DIAPH3: variants seen among roughly 807,000 people sequenced by gnomAD.
DIAPH3 encodes the protein diaphanous related formin 3.
In DIAPH3, 117 loss-of-function variants were observed where a neutral mutation model predicts 144.3. That is an observed-to-expected ratio of 0.81 (90% CI 0.70 to 0.95). The LOEUF is 0.95. Among genes scored for constraint, DIAPH3 ranks in the 40% least tolerant of loss-of-function variants. DIAPH3 has a pLI of 0.00. For synonymous variants in DIAPH3, 519 were observed against 488.9 expected (o/e 1.06, Z -0.81); for missense variants, 1,421 against 1,412.7 (o/e 1.01, Z -0.09).
chr13:59,952,045 A>G (rs1380936461), intron 17 of DIAPH3, among the ~76,000 whole-genome samples: 5 of 152,222 alleles, frequency 3.3e-5, no homozygotes, highest in East Asian at 1.9e-4. Context: ...AAATCATGGT[A>G]TAAAACTACA....
chr13:59,819,578 G>A (rs1260975940), intron 24 of DIAPH3, among the ~76,000 whole-genome samples: 1 of 151,548 alleles, frequency 6.6e-6, no homozygotes, highest in African/African-American at 2.4e-5. Flanking sequence ...TATGTATTTC[G>A]GGGGATACTT....
intron 5 of DIAPH3, among the ~76,000 whole-genome samples, chr13:60,031,802 G>T (rs187463578): frequency 4.6e-5 from 6 of 130,614 alleles, no homozygotes; most frequent in African/African-American, 1.5e-4. Flanking sequence ...GGAGTGCAGT[G>T]GCACGATCTT....
intron 22 of DIAPH3, among the ~76,000 whole-genome samples, chr13:59,842,927 T>C (rs535347155): frequency 6.6e-6 from 1 of 152,242 alleles, no homozygotes; most frequent in East Asian, 1.9e-4. Context: ...CCAACCTCTT[T>C]CAGTCTTTAT....
chr13:60,077,253 T>A (rs1246412722), intron 4 of DIAPH3, among the ~76,000 whole-genome samples: 2 of 151,968 alleles, frequency 1.3e-5, no homozygotes, highest in Admixed American at 1.3e-4. Flanking sequence ...TCACGAGCTA[T>A]AAAATCTAAA....
Position 59,810,802 on chromosome 13 carries a change from A to G in DIAPH3, c.3149T>C (p.Leu1050Ser). 6.2e-7 allele frequency: 1 copy of G among 1,613,512 alleles called. No individual in the cohort carries two copies. The highest frequency in any genetic ancestry group is 1.7e-4 in the Middle Eastern group (1 of 6,048). ...ATAGTACTCACCAGTCTTCATTTCT[A>G]ATAAACGCTTTTTCTTTTGTTGGCG... ...LERQQKKKRL[L>S]EMKTEGDETG... Residue 1050 changes from leucine to serine, a missense_variant, in exon 25 of 28, where the codon TTA (leucine) becomes TCA (serine). Coordinates refer to ENST00000400324, the MANE Select transcript of DIAPH3 (RefSeq NM_001042517.2).
intron 5 of DIAPH3, among the ~76,000 whole-genome samples, chr13:60,021,983 T>C (rs2054056785): frequency 6.6e-6 from 1 of 152,202 alleles, no homozygotes; most frequent in African/African-American, 2.4e-5. Context: ...GTCCTATGGG[T>C]AATTCATTAG....
intron 2 of DIAPH3, among the ~76,000 whole-genome samples, chr13:60,114,766 G>T (rs148561162): frequency 6.6e-6 from 1 of 151,816 alleles, no homozygotes; most frequent in African/African-American, 2.4e-5. Flanking sequence ...TACAGCCAGA[G>T]AAATAAAAAT....
intron 9 of DIAPH3, among the ~76,000 whole-genome samples, chr13:59,993,584 T>C (rs2051977969): frequency 6.6e-6 from 1 of 151,224 alleles, no homozygotes; most frequent in South Asian, 2.1e-4. Context: ...TAGTAATTGT[T>C]ATATTTGATA....
At chr13:59,799,379 A>ACG (rs1566326545) in intron 25 of DIAPH3, among the ~76,000 whole-genome samples, 1 of 53,812 alleles carries the variant, frequency 1.9e-5, no homozygotes, top group African/African-American at 8.9e-5. Context: ...AAATATGCAC[A>ACG]CACACACACA....
chr13:59,954,643 T>C (rs1267316194), intron 17 of DIAPH3, among the ~76,000 whole-genome samples: 1 of 152,026 alleles, frequency 6.6e-6, no homozygotes, highest in Non-Finnish European at 1.5e-5. Flanking sequence ...TGAGACTGGG[T>C]AATTTATAAA....
At chr13:59,835,710 A>C (rs1435439881) in intron 23 of DIAPH3, among the ~76,000 whole-genome samples, 1 of 151,682 alleles carries the variant, frequency 6.6e-6, no homozygotes, top group East Asian at 1.9e-4. Flanking sequence ...TAAATCACCC[A>C]ATTGCCCCAC....
chr13:60,056,053 A>T (rs1780045579), intron 4 of DIAPH3, among the ~76,000 whole-genome samples: 1 of 151,774 alleles, frequency 6.6e-6, no homozygotes, highest in Admixed American at 6.6e-5. Context: ...CAAACACAAG[A>T]AACCTAATTG....
intron 8 of DIAPH3, among the ~76,000 whole-genome samples, chr13:60,009,021 A>C (rs1284826716): frequency 1.3e-5 from 2 of 152,172 alleles, no homozygotes. Flanking sequence ...CAATCTGTCC[A>C]AGGTCTCATA....
rs1952427374 is a variant in DIAPH3 at position 60,163,917 on chromosome 13, G to A, written c.-151C>T. On this transcript the variant is annotated 5_prime_UTR_variant, in exon 1 of 28. Coordinates refer to ENST00000400324, the MANE Select transcript of DIAPH3 (RefSeq NM_001042517.2). ...CCCAACCGCTGAAGTCGGGGCCGCAGCCAACACATCTGAAAACTCCCGCCA... is the reference window on the plus strand; with the variant it reads ...CCCAACCGCTGAAGTCGGGGCCGCAACCAACACATCTGAAAACTCCCGCCA... 2 of 1,020,530 alleles carry A rather than the reference G, an allele frequency of 2.0e-6. No homozygotes were observed. The highest frequency in any genetic ancestry group is 3.4e-5 in the South Asian group (2 of 59,552). 63.2% of individuals were successfully genotyped at this position (1,020,530 alleles called of 1,614,324 possible).
chr13:59,725,727 T>C (rs1269900033), intron 27 of DIAPH3, among the ~76,000 whole-genome samples: 2 of 152,200 alleles, frequency 1.3e-5, no homozygotes, highest in Non-Finnish European at 2.9e-5. Flanking sequence ...GATATCAAAA[T>C]GCTGCAGTAA....
chr13:59,742,509 T>C (rs552646415), intron 27 of DIAPH3, among the ~76,000 whole-genome samples: 1 of 150,574 alleles, frequency 6.6e-6, no homozygotes, highest in Non-Finnish European at 1.5e-5. Flanking sequence ...AATCCACAGA[T>C]GAGTAGTAAT....
intron 3 of DIAPH3, among the ~76,000 whole-genome samples, chr13:60,110,800 A>G (rs1256838066): frequency 6.6e-6 from 1 of 152,234 alleles, no homozygotes; most frequent in Non-Finnish European, 1.5e-5. Flanking sequence ...CAGTTATTTT[A>G]AAAGTATTCT....
chr13:59,917,178 G>C (rs1593972295), intron 18 of DIAPH3, among the ~76,000 whole-genome samples: 1 of 151,848 alleles, frequency 6.6e-6, no homozygotes, highest in East Asian at 1.9e-4. Context: ...CATATCTGTG[G>C]GTTCCATATT....
chr13:59,774,876 T>C (rs886882703), intron 25 of DIAPH3, 53 bp from the exon 26 acceptor site: 5 of 1,459,606 alleles, frequency 3.4e-6, no homozygotes, highest in Non-Finnish European at 4.8e-6. Context: ...ACCATAGCAA[T>C]GTCAAAGCAT....
Sources: gnomAD v4.1 joint callset for allele counts (sites outside exome capture counted in the v4.1 genomes callset) on GRCh38, gnomAD v4.1.1 for gene constraint, MANE v1.5 for transcripts, NCBI Gene and HGNC (gene_info 2026-07-23, HGNC 2026-07-21) for gene names.